The following ZCCHC17 variants were observed in gnomAD, a reference collection of about 807,000 sequenced individuals.
ZCCHC17 encodes zinc finger CCHC domain-containing protein 17.
ZCCHC17 carries 18 observed loss-of-function variants against 30.6 expected under a neutral mutation model. That is an observed-to-expected ratio of 0.59 (90% confidence interval 0.41 to 0.87). The LOEUF (loss-of-function observed/expected upper bound fraction) is 0.87. ZCCHC17 is among the 40% of genes least tolerant of loss of function. ZCCHC17 has a pLI of 0.00. For missense variants in ZCCHC17, 263 were observed against 284.2 expected (o/e 0.93, Z 0.54); for synonymous variants, 88 against 92.4 (o/e 0.95, Z 0.27).
chr1:31,305,673 C>T lies in ZCCHC17; in HGVS notation c.-55-4371C>T, dbSNP rs111336925. Among the ~76,000 whole-genome samples the T allele has an allele frequency of 1.6e-3, 242 of 152,122 alleles. 1 individual carries two copies. The highest frequency in any genetic ancestry group is 5.7e-3 in the African/African-American group (237 of 41,512). On this transcript the variant is annotated intron_variant, in intron 1 of 7. Transcript: ENST00000344147. ...CCCAGGCTGGCCTCGAACTTCTGGT[C>T]TCAAGCATTCCTTCCACCTCAGCCT...
chr1:31,323,453 C>T (rs545255036), intron 3 of ZCCHC17, among the ~76,000 whole-genome samples: 2 of 152,168 alleles, frequency 1.3e-5, no homozygotes, highest in African/African-American at 4.8e-5. Context: ...TCCCAAGTAG[C>T]TGGGACTACA....
At chr1:31,336,768 G>A (rs952106054) in intron 3 of ZCCHC17, among the ~76,000 whole-genome samples, 6 of 151,738 alleles carry the variant, frequency 4.0e-5, no homozygotes, top group Non-Finnish European at 7.4e-5. Flanking sequence ...GGGCTCATGC[G>A]ATCCTCCCAT....
At chr1:31,321,254 T>G (rs970380179) in intron 3 of ZCCHC17, among the ~76,000 whole-genome samples, 2 of 152,006 alleles carry the variant, frequency 1.3e-5, no homozygotes, top group Non-Finnish European at 2.9e-5. Context: ...TCTGATGGTT[T>G]TATAAGGGGC....
intron 7 of ZCCHC17, among the ~76,000 whole-genome samples, chr1:31,361,297 G>T (rs573080837): frequency 6.6e-6 from 1 of 152,340 alleles, no homozygotes; most frequent in South Asian, 2.1e-4. Flanking sequence ...GTCTCCTGTA[G>T]ATGCTTGGCC....
At chr1:31,341,526 C>G (rs1330785945) in intron 5 of ZCCHC17, among the ~76,000 whole-genome samples, 1 of 152,154 alleles carries the variant, frequency 6.6e-6, no homozygotes, top group Non-Finnish European at 1.5e-5. Flanking sequence ...TTTGGGCTGT[C>G]TCTGTGTAGA....
At chr1:31,330,723 T>G (rs959914290) in intron 3 of ZCCHC17, among the ~76,000 whole-genome samples, 3 of 152,206 alleles carry the variant, frequency 2.0e-5, no homozygotes, top group African/African-American at 7.2e-5. Flanking sequence ...ATAATTTATA[T>G]GATTTCTAGA....
intron 1 of ZCCHC17, among the ~76,000 whole-genome samples, chr1:31,298,777 G>A (rs1646235373): frequency 6.6e-6 from 1 of 152,218 alleles, no homozygotes; most frequent in African/African-American, 2.4e-5. Context: ...GCTCAGAAGA[G>A]AGATTTGTGT....
chr1:31,307,004 A>AT (rs1322203647), intron 1 of ZCCHC17, among the ~76,000 whole-genome samples: 1 of 151,824 alleles, frequency 6.6e-6, no homozygotes. Flanking sequence ...TGCCTAGCTA[A>AT]TTTTTGTATT....
chr1:31,349,328 AT>A (rs1239086981), intron 7 of ZCCHC17, among the ~76,000 whole-genome samples: 1 of 152,156 alleles, frequency 6.6e-6, no homozygotes, highest in Non-Finnish European at 1.5e-5. Context: ...AGAGACTCTT[AT>A]TGGCATTTTG....
chr1:31,338,311 A>G (rs1000908953), intron 4 of ZCCHC17, among the ~76,000 whole-genome samples: 3 of 151,940 alleles, frequency 2.0e-5, no homozygotes, highest in African/African-American at 7.3e-5. Context: ...AAATAATTGC[A>G]AGTTATATTA....
At chr1:31,352,699 G>A (rs1188647282) in intron 7 of ZCCHC17, among the ~76,000 whole-genome samples, 1 of 152,130 alleles carries the variant, frequency 6.6e-6, no homozygotes, top group East Asian at 1.9e-4. Context: ...TTCCCACCTT[G>A]GCCTCCTAAA....
At chr1:31,345,583 T>A (rs368149021) in intron 5 of ZCCHC17, among the ~76,000 whole-genome samples, 3 of 8,118 alleles carry the variant, frequency 3.7e-4, no homozygotes, top group Non-Finnish European at 7.8e-4. Context: ...TATATATATA[T>A]TAGTTCTCAC....
intron 5 of ZCCHC17, among the ~76,000 whole-genome samples, chr1:31,345,177 G>A (rs1639197725): frequency 6.7e-6 from 1 of 148,626 alleles, no homozygotes; most frequent in Non-Finnish European, 1.5e-5. Context: ...TTTGTTTTGA[G>A]ACAGAGTCTC....
intron 4 of ZCCHC17, 97 bp downstream of exon 4, chr1:31,337,372 G>C: frequency 9.5e-7 from 1 of 1,054,206 alleles, no homozygotes. Flanking sequence ...TTTGTTAATT[G>C]TGCTGATAAT....
At chr1:31,355,350 T>C (rs1208927299) in intron 7 of ZCCHC17, among the ~76,000 whole-genome samples, 1 of 152,160 alleles carries the variant, frequency 6.6e-6, no homozygotes, top group Non-Finnish European at 1.5e-5. Flanking sequence ...TCATTGTTAA[T>C]CCCGTCATTA....
chr1:31,350,556 C>T, intron 7 of ZCCHC17, among the ~76,000 whole-genome samples: 1 of 151,894 alleles, frequency 6.6e-6, no homozygotes, highest in Non-Finnish European at 1.5e-5. Flanking sequence ...ACTTGAGGCT[C>T]TTCTGTGCTA....
At chr1:31,352,797 A>C (rs534652571) in intron 7 of ZCCHC17, among the ~76,000 whole-genome samples, 2 of 152,148 alleles carry the variant, frequency 1.3e-5, no homozygotes, top group African/African-American at 4.8e-5. Context: ...TTTGGTGAAC[A>C]CTTGGGCTGC....
chr1:31,304,272 C>CTT (rs5773350), intron 1 of ZCCHC17, among the ~76,000 whole-genome samples: 57 of 146,626 alleles, frequency 3.9e-4, no homozygotes, highest in Non-Finnish European at 5.1e-4. Flanking sequence ...GTTATATACT[C>CTT]TTTTTTTTTT....
At chr1:31,344,424 T>C (rs1639165507) in intron 5 of ZCCHC17, among the ~76,000 whole-genome samples, 1 of 152,210 alleles carries the variant, frequency 6.6e-6, no homozygotes. Flanking sequence ...TTGGTATACA[T>C]AATTATTACT....
Sources: gnomAD v4.1 joint callset for allele counts (sites outside exome capture counted in the v4.1 genomes callset) on GRCh38, gnomAD v4.1.1 for gene constraint, MANE v1.5 for transcripts, NCBI Gene and HGNC (gene_info 2026-07-23, HGNC 2026-07-21) for gene names.